KRABD5: variants seen among roughly 807,000 people sequenced by gnomAD.
KRABD5 encodes the protein KRAB domain-containing protein 5.
chr16:31,752,632 G>GAGGCTAT, the KRABD5 span, among the ~76,000 whole-genome samples: 1 of 152,168 alleles, frequency 6.6e-6, no homozygotes, highest in African/African-American at 2.4e-5. Context: ...TTGAGAATCT[G>GAGGCTAT]AGGCTATAGT....
the KRABD5 span, among the ~76,000 whole-genome samples, chr16:31,749,829 ATTATTG>A: frequency 6.6e-6 from 1 of 152,040 alleles, no homozygotes. Context: ...TCACACACTT[ATTATTG>A]TTCTTTTCGA....
chr16:31,727,034 T>G, the KRABD5 span, among the ~76,000 whole-genome samples: 1 of 152,238 alleles, frequency 6.6e-6, no homozygotes, highest in Admixed American at 6.5e-5. Flanking sequence ...TTTTATACTT[T>G]TGATGCTATT....
chr16:31,759,680 A>G, the KRABD5 span: 1 of 279,538 alleles, frequency 3.6e-6, no homozygotes, highest in Admixed American at 4.6e-5. Context: ...CTTTAATAGC[A>G]TTTGTATAAA....
chr16:31,751,432 A>C, the KRABD5 span, among the ~76,000 whole-genome samples: 2 of 151,960 alleles, frequency 1.3e-5, no homozygotes. Flanking sequence ...TTGGTTGGTA[A>C]ATTTTTTATT....
chr16:31,749,478 C>T, the KRABD5 span, among the ~76,000 whole-genome samples: 12 of 152,354 alleles, frequency 7.9e-5, no homozygotes, highest in South Asian at 2.1e-4. Flanking sequence ...TGGTGCTTGT[C>T]GCCCCTCCCT....
chr16:31,754,952 G>C, the KRABD5 span: 1 of 447,454 alleles, frequency 2.2e-6, no homozygotes, highest in Non-Finnish European at 4.5e-6. Context: ...TCACACTGGA[G>C]AAAAACTTTA....
the KRABD5 span, chr16:31,713,501 C>T: frequency 6.4e-7 from 1 of 1,564,228 alleles, no homozygotes; most frequent in Non-Finnish European, 8.7e-7. Flanking sequence ...CGGGAACCCT[C>T]TTTGAGGTTA....
At chr16:31,759,584 G>C in the KRABD5 span, 1 of 632,082 alleles carries the variant, frequency 1.6e-6, no homozygotes, top group Non-Finnish European at 2.9e-6. Context: ...TGGGGGTAGG[G>C]AAAGGGTTGA....
At chr16:31,745,477 C>T in the KRABD5 span, among the ~76,000 whole-genome samples, 1 of 152,064 alleles carries the variant, frequency 6.6e-6, no homozygotes, top group Non-Finnish European at 1.5e-5. Context: ...GCTGTGTGGT[C>T]TGTGAGACTG....
the KRABD5 span, among the ~76,000 whole-genome samples, chr16:31,724,391 T>C: frequency 6.6e-6 from 1 of 152,044 alleles, no homozygotes; most frequent in South Asian, 2.1e-4. Context: ...GAGAGAACAT[T>C]AAAGATCTAC....
the KRABD5 span, among the ~76,000 whole-genome samples, chr16:31,751,674 T>C: frequency 6.6e-6 from 1 of 152,210 alleles, no homozygotes; most frequent in Non-Finnish European, 1.5e-5. Context: ...TTTGTTAACC[T>C]AGCTAGTGGT....
the KRABD5 span, among the ~76,000 whole-genome samples, chr16:31,718,908 CTCAGAAGGAAAGGAATGCA>C: frequency 6.6e-6 from 1 of 152,186 alleles, no homozygotes; most frequent in South Asian, 2.1e-4. Context: ...TTCTTTCCAT[CTCAGAAGGAAAGGAATGCA>C]TCATCCAGGA....
the KRABD5 span, chr16:31,723,262 C>T: frequency 6.3e-5 from 101 of 1,613,342 alleles, no homozygotes; most frequent in Non-Finnish European, 6.9e-5. Flanking sequence ...AAACAGGTCT[C>T]GCTGTCTCTA....
the KRABD5 span, among the ~76,000 whole-genome samples, chr16:31,725,577 T>C: frequency 6.6e-6 from 1 of 152,214 alleles, no homozygotes; most frequent in East Asian, 1.9e-4. Context: ...CTCCACACTG[T>C]CACCAACATT....
the KRABD5 span, among the ~76,000 whole-genome samples, chr16:31,727,211 C>G: frequency 6.6e-6 from 1 of 152,156 alleles, no homozygotes; most frequent in Non-Finnish European, 1.5e-5. Context: ...ATAAAATCAC[C>G]TAATCTGCAA....
chr16:31,758,831 ATATT>A, the KRABD5 span: 1 of 152,156 alleles, frequency 6.6e-6, no homozygotes, highest in African/African-American at 2.4e-5. Context: ...CTACCATCTA[ATATT>A]TATTAATACA....
At chr16:31,741,737 C>T in the KRABD5 span, among the ~76,000 whole-genome samples, 30 of 152,088 alleles carry the variant, frequency 2.0e-4, no homozygotes, top group East Asian at 2.5e-3. Context: ...ATATCTTCTC[C>T]TGTTCTGTAG....
At chr16:31,727,894 C>T in the KRABD5 span, among the ~76,000 whole-genome samples, 11 of 152,284 alleles carry the variant, frequency 7.2e-5, no homozygotes, top group Middle Eastern at 3.4e-3. Flanking sequence ...CAGGGTCTCA[C>T]TCTGATGTCC....
At chr16:31,728,210 A>G in the KRABD5 span, among the ~76,000 whole-genome samples, 4 of 152,086 alleles carry the variant, frequency 2.6e-5, no homozygotes, top group African/African-American at 9.7e-5. Context: ...ATCTGGCCAA[A>G]AGTTTCTCAA....
Sources: allele counts gnomAD v4.1 joint callset (sites outside exome capture counted in the v4.1 genomes callset), GRCh38; gene constraint gnomAD v4.1.1; transcripts MANE v1.5; gene names NCBI Gene and HGNC (gene_info 2026-07-23, HGNC 2026-07-21).